LRP1B: variants seen among roughly 807,000 people sequenced by gnomAD.
LRP1B encodes the protein LDL receptor related protein 1B.
LRP1B carries 217 observed loss-of-function variants against 556.6 expected under a neutral mutation model. The ratio of observed to expected loss-of-function variants is 0.39; its 90% confidence interval spans 0.35 to 0.44. LRP1B has a LOEUF of 0.44. Among genes scored for constraint, LRP1B ranks in the 20% least tolerant of loss-of-function variants. The pLI, the probability that LRP1B is intolerant of heterozygous loss-of-function variation, is 1.00. For synonymous variants in LRP1B, 2,047 were observed against 1,865.8 expected, an observed-to-expected ratio of 1.10 and a Z score of -2.50; for missense variants, 5,053 against 5,620.8, an observed-to-expected ratio of 0.90 and a Z score of 3.23.
intron 14 of LRP1B, among the ~76,000 whole-genome samples, chr2:141,009,467 T>A (rs1404205185): frequency 2.0e-5 from 3 of 151,954 alleles, no homozygotes; most frequent in African/African-American, 4.8e-5. Flanking sequence ...TGAAGCCACT[T>A]ATGTAAGTGT....
chr2:140,457,983 T>C (rs1177464851), intron 60 of LRP1B, among the ~76,000 whole-genome samples: 1 of 152,094 alleles, frequency 6.6e-6, no homozygotes, highest in Non-Finnish European at 1.5e-5. Flanking sequence ...TGTGTGTGTA[T>C]GTGTGTATAT....
intron 7 of LRP1B, among the ~76,000 whole-genome samples, chr2:141,074,589 C>CTCTCTCTATATA (rs10643830): frequency 1.1e-4 from 15 of 136,476 alleles, no homozygotes; most frequent in East Asian, 2.1e-4. Context: ...CTCTCTCTCT[C>CTCTCTCTATATA]TATATATATA....
At chr2:142,096,426 G>A (rs1354044942) in intron 1 of LRP1B, among the ~76,000 whole-genome samples, 1 of 146,524 alleles carries the variant, frequency 6.8e-6, no homozygotes, top group African/African-American at 2.5e-5. Context: ...ACATGACCAC[G>A]AAAATAAATT....
chr2:141,887,768 C>T (rs915980767), intron 1 of LRP1B, among the ~76,000 whole-genome samples: 2 of 152,188 alleles, frequency 1.3e-5, no homozygotes, highest in South Asian at 4.1e-4. Context: ...CCTATTCTCA[C>T]AAAGTCATCT....
Position 140,581,596 on chromosome 2 carries a change from T to C in LRP1B, c.7194+17035A>G, listed in dbSNP as rs533541114. Among the ~76,000 whole-genome samples the C allele has an allele frequency of 1.4e-3, 211 of 152,298 alleles. 1 individual carries two copies. Among genetic ancestry groups the C allele is most frequent in the African/African-American group, 5.0e-3 (208 of 41,556 alleles). ...TCTACTATCATTTGCTTTGAATTGTTCTTTAAATTGACTCTTTACCATAAA... is the reference window on the plus strand; with the variant it reads ...TCTACTATCATTTGCTTTGAATTGTCCTTTAAATTGACTCTTTACCATAAA... On this transcript the variant is annotated intron_variant, in intron 43 of 90. Coordinates refer to ENST00000389484, the MANE Select transcript of LRP1B (RefSeq NM_018557.3).
intron 3 of LRP1B, among the ~76,000 whole-genome samples, chr2:141,356,134 A>C (rs1688619550): frequency 6.6e-6 from 1 of 152,198 alleles, no homozygotes; most frequent in Non-Finnish European, 1.5e-5. Flanking sequence ...AGGAAGAACA[A>C]GGACTCCATT....
chr2:140,725,106 T>G (rs1211936293), intron 35 of LRP1B, among the ~76,000 whole-genome samples: 1 of 152,206 alleles, frequency 6.6e-6, no homozygotes, highest in Non-Finnish European at 1.5e-5. Context: ...CTTTCATATT[T>G]TCTTAAGCAA....
intron 10 of LRP1B, among the ~76,000 whole-genome samples, chr2:141,052,252 A>T: frequency 6.6e-6 from 1 of 152,002 alleles, no homozygotes; most frequent in East Asian, 1.9e-4. Flanking sequence ...AATACTTTAT[A>T]TTATTTTAAA....
intron 1 of LRP1B, among the ~76,000 whole-genome samples, chr2:141,855,552 A>C (rs1029821391): frequency 6.6e-6 from 1 of 152,134 alleles, no homozygotes; most frequent in African/African-American, 2.4e-5. Flanking sequence ...AATTCTAAAA[A>C]CAATAGTTTA....
rs147052457 is a variant in LRP1B, at chr2:141,323,068, T to C, written c.344-68427A>G. On this transcript the variant is annotated intron_variant, in intron 3 of 90. Coordinates refer to ENST00000389484, the MANE Select transcript of LRP1B (RefSeq NM_018557.3). The stretch of plus-strand genomic sequence containing the variant: ...AAATGCTTAGGAAAAGGAGTGTTAT[T>C]CTGGAAATTACTATTACTACTGCTG... 4.8e-3 allele frequency among the ~76,000 whole-genome samples: 736 copies of C among 152,232 alleles called. 7 individuals are homozygous for C. The highest frequency in any genetic ancestry group is 0.017 in the African/African-American group (722 of 41,550).
At chr2:141,231,178 A>T (rs954957490) in intron 5 of LRP1B, among the ~76,000 whole-genome samples, 1 of 152,246 alleles carries the variant, frequency 6.6e-6, no homozygotes, top group African/African-American at 2.4e-5. Flanking sequence ...GTAGGACAAA[A>T]ACCAGAGCAT....
At position 140,325,754 on chromosome 2, in the gene LRP1B, T is replaced by C; in HGVS notation, c.12340+8A>G. ...AATTAAAAATGAAGACAAAAGCACT[T>C]CACAAACCTTGTTTGCTGCTGACAG... On this transcript the variant is annotated splice_region_variant and intron_variant, in intron 80 of 90. Transcript: ENST00000389484. 6.3e-7 allele frequency: 1 copy of C among 1,585,646 alleles called. No homozygotes were observed. Among genetic ancestry groups the C allele is most frequent in the Admixed American group, 1.7e-5 (1 of 59,218 alleles).
intron 7 of LRP1B, among the ~76,000 whole-genome samples, chr2:141,129,088 A>G (rs1275381497): frequency 6.6e-6 from 1 of 152,196 alleles, no homozygotes; most frequent in Non-Finnish European, 1.5e-5. Flanking sequence ...CAGAAATGGA[A>G]ATTTTAAAAA....
At chr2:140,504,880 C>T (rs1689341838) in intron 53 of LRP1B, among the ~76,000 whole-genome samples, 1 of 152,174 alleles carries the variant, frequency 6.6e-6, no homozygotes, top group Non-Finnish European at 1.5e-5. Flanking sequence ...TCCTTTGCTC[C>T]ATGGCAGTAT....
At chr2:141,853,262 A>T (rs2105778114) in intron 1 of LRP1B, among the ~76,000 whole-genome samples, 1 of 151,622 alleles carries the variant, frequency 6.6e-6, no homozygotes, top group East Asian at 1.9e-4. Context: ...CTGGATTGTA[A>T]GTGCCTTGCA....
intron 60 of LRP1B, among the ~76,000 whole-genome samples, chr2:140,467,800 TAAGTA>T (rs2105337894): frequency 6.6e-6 from 1 of 152,266 alleles, no homozygotes; most frequent in South Asian, 2.1e-4. Context: ...AAGAAATCTC[TAAGTA>T]AAGTGTTAAA....
chr2:142,044,128 A>T (rs1329179295), intron 1 of LRP1B, among the ~76,000 whole-genome samples: 1 of 151,796 alleles, frequency 6.6e-6, no homozygotes, highest in Non-Finnish European at 1.5e-5. Context: ...TCACAAATGT[A>T]TACTTGGGTC....
At chr2:142,093,591 C>T (rs1450678139) in intron 1 of LRP1B, among the ~76,000 whole-genome samples, 1 of 151,952 alleles carries the variant, frequency 6.6e-6, no homozygotes, top group Non-Finnish European at 1.5e-5. Context: ...ACCAGAAAGG[C>T]AAGGCAGTGG....
At chr2:140,753,705 T>G (rs1688656592) in intron 35 of LRP1B, among the ~76,000 whole-genome samples, 1 of 152,142 alleles carries the variant, frequency 6.6e-6, no homozygotes. Flanking sequence ...CTCCACCACC[T>G]CAGTTCAGCT....
Sources: gnomAD v4.1 joint callset for allele counts (sites outside exome capture counted in the v4.1 genomes callset) on GRCh38, gnomAD v4.1.1 for gene constraint, MANE v1.5 for transcripts, NCBI Gene and HGNC (gene_info 2026-07-23, HGNC 2026-07-21) for gene names.